The following GNAI3 variants were observed in gnomAD, a reference collection of about 807,000 sequenced individuals.
GNAI3 encodes G protein subunit alpha i3.
In GNAI3, 12 loss-of-function variants were observed where a neutral mutation model predicts 41.8. The observed-to-expected ratio is 0.29, with a 90% CI of 0.18 to 0.47. GNAI3 has a LOEUF of 0.47. Ranked by LOEUF, GNAI3 falls within the 20% of genes least tolerant of loss-of-function variation. GNAI3 has a pLI of 1.00. For missense variants in GNAI3, 360 were observed against 429.6 expected (o/e 0.84, Z 1.43); for synonymous variants, 132 against 146.5 (o/e 0.90, Z 0.71).
chr1:109,551,323 T>C (rs911910148), intron 1 of GNAI3, among the ~76,000 whole-genome samples: 2 of 152,174 alleles, frequency 1.3e-5, no homozygotes, highest in African/African-American at 4.8e-5. Flanking sequence ...ATAAGCAAAA[T>C]GTACCCAAAA....
rs565241683 is a variant in GNAI3, at chr1:109,560,096, C to A, written c.118+11258C>A. Among the ~76,000 whole-genome samples, 224 of 152,252 alleles carry A rather than the reference C, an allele frequency of 1.5e-3. 1 individual carries two copies. Among genetic ancestry groups the A allele is most frequent in the African/African-American group, 5.2e-3 (214 of 41,544 alleles). On this transcript the variant is annotated intron_variant, in intron 1 of 8. Coordinates refer to ENST00000369851, the MANE Select transcript of GNAI3 (RefSeq NM_006496.4). Reference sequence around the variant, plus strand: ...TTTCAGGAAGAGCTAGTCTTCAGATCTGAACTTCCTTTGATTTCCAAGTTA... The same window carrying A: ...TTTCAGGAAGAGCTAGTCTTCAGATATGAACTTCCTTTGATTTCCAAGTTA...
At position 109,579,302 on chromosome 1, in the gene GNAI3, TG is replaced by T; in HGVS notation, c.406del (p.Val136TyrfsTer21). On this transcript the variant is annotated frameshift_variant, in exon 4 of 9. Coordinates refer to ENST00000369851, the MANE Select transcript of GNAI3 (RefSeq NM_006496.4). LOFTEE classifies it high-confidence loss of function. ...TGATTAAACGGTTATGGCGAGATGG[TG>T]GGGTACAAGCTTGCTTCAGCAGATC... Reference protein sequence around the residue: ...GVIKRLWRDGGVQACFSRSRE... With the variant: ...GVIKRLWRDGXVQACFSRSRE... 6.2e-7 allele frequency: 1 copy of T among 1,613,610 alleles called. No homozygotes were observed.
At chr1:109,575,495 C>CGTCT (rs1648714910) in intron 3 of GNAI3, among the ~76,000 whole-genome samples, 1 of 148,428 alleles carries the variant, frequency 6.7e-6, no homozygotes, top group South Asian at 2.1e-4. Flanking sequence ...TATTCCCCGC[C>CGTCT]GTCTGTCTTC....
At chr1:109,549,240 T>G (rs969958137) in intron 1 of GNAI3, among the ~76,000 whole-genome samples, 1 of 152,174 alleles carries the variant, frequency 6.6e-6, no homozygotes, top group African/African-American at 2.4e-5. Flanking sequence ...TATAATGGTT[T>G]GTGAGTTTGG....
At chr1:109,576,366 G>A (rs778165665) in intron 3 of GNAI3, among the ~76,000 whole-genome samples, 4 of 152,058 alleles carry the variant, frequency 2.6e-5, no homozygotes, top group Non-Finnish European at 5.9e-5. Flanking sequence ...ACTGTGCCCG[G>A]CTTCTACTCT....
At position 109,548,649 on chromosome 1, in the gene GNAI3, C is replaced by T. The variant is rs3737182; in HGVS notation, c.-72C>T. On this transcript the variant is annotated 5_prime_UTR_variant, in exon 1 of 9. Transcript: ENST00000369851. ...GGCCACCGCCCAGCAATAGACGGTGCCTCAGCCTGCCGAGCCGCAGTTTCC... is the reference window on the plus strand; with the variant it reads ...GGCCACCGCCCAGCAATAGACGGTGTCTCAGCCTGCCGAGCCGCAGTTTCC... The T allele has an allele frequency of 0.2, 206,439 of 1,040,390 alleles. 22,195 individuals carry two copies. The highest frequency in any genetic ancestry group is 0.35 in the East Asian group (14,178 of 41,022). 64.4% of individuals were successfully genotyped at this position (1,040,390 alleles called of 1,614,324 possible).
chr1:109,586,969 T>C, intron 7 of GNAI3, 87 bp downstream of exon 7: 3 of 862,528 alleles, frequency 3.5e-6, no homozygotes, highest in Admixed American at 2.2e-5. Context: ...CCTTTTTTTT[T>C]TTAATGATTG....
intron 1 of GNAI3, among the ~76,000 whole-genome samples, chr1:109,555,633 C>A (rs1426801073): frequency 6.6e-6 from 1 of 152,084 alleles, no homozygotes; most frequent in East Asian, 1.9e-4. Flanking sequence ...ATGTAAGGTT[C>A]TAATAAGCGC....
chr1:109,559,938 T>G (rs1438608810), intron 1 of GNAI3, among the ~76,000 whole-genome samples: 1 of 152,222 alleles, frequency 6.6e-6, no homozygotes, highest in Non-Finnish European at 1.5e-5. Flanking sequence ...AAATATCCGA[T>G]TTTTCATGAC....
rs1649263729 is a variant in GNAI3, at chr1:109,595,211, CTG to C, written c.*2893_*2894del. On this transcript the variant is annotated 3_prime_UTR_variant, in exon 9 of 9. Transcript: ENST00000369851. Reference sequence around the variant, plus strand: ...GGACCATCAAAGAAGCCATTAGTCTCTGTGTAAAGAAGAAGTATTCTTAATGG... The same window carrying C: ...GGACCATCAAAGAAGCCATTAGTCTCTGTAAAGAAGAAGTATTCTTAATGG... 1 of 152,166 alleles carries C rather than the reference CTG, an allele frequency of 6.6e-6. No individual in the cohort carries two copies. Among genetic ancestry groups the C allele is most frequent in the African/African-American group, 2.4e-5 (1 of 41,438 alleles). The allele number at this position is 152,166 out of a possible 1,614,324, so 9.4% of individuals were successfully genotyped here. A position where few individuals can be genotyped will look rare whatever the true frequency, so the allele number is the denominator to read the frequency against.
intron 1 of GNAI3, among the ~76,000 whole-genome samples, chr1:109,570,835 C>T (rs769459087): frequency 2.6e-5 from 4 of 152,104 alleles, no homozygotes; most frequent in South Asian, 2.1e-4. Flanking sequence ...AATTGAAGAT[C>T]GTGTGACAAG....
chr1:109,579,358 C>T lies in GNAI3; in HGVS notation c.458C>T (p.Ser153Leu), dbSNP rs1345195559. Residue 153 changes from serine (S) to leucine (L), a missense_variant, in exon 4 of 9, where the codon TCA becomes TTA. Ser to Leu is a moderately radical substitution (Grantham distance 145). Transcript: ENST00000369851. ...GAATATCAGCTCAATGATTCTGCTTCATAGTAAGTAATTTTTCTCTGTGAA... is the reference window on the plus strand; with the variant it reads ...GAATATCAGCTCAATGATTCTGCTTTATAGTAAGTAATTTTTCTCTGTGAA... The part of the protein sequence containing the change: ...SREYQLNDSA[S>L]YYLNDLDRIS... The T allele has an allele frequency of 6.2e-7, 1 of 1,608,012 alleles. No homozygotes were observed. Among genetic ancestry groups the T allele is most frequent in the Non-Finnish European group, 8.5e-7 (1 of 1,176,420 alleles).
chr1:109,565,393 G>A (rs1362083619), intron 1 of GNAI3, among the ~76,000 whole-genome samples: 1 of 152,168 alleles, frequency 6.6e-6, no homozygotes, highest in Non-Finnish European at 1.5e-5. Context: ...GGGTTTGAGA[G>A]TAAGGTTAGA....
intron 1 of GNAI3, among the ~76,000 whole-genome samples, chr1:109,554,157 A>G (rs575069493): frequency 3.3e-5 from 5 of 151,826 alleles, no homozygotes; most frequent in African/African-American, 1.2e-4. Context: ...CTGGTTCCAT[A>G]TTTTTGCCAT....
intron 1 of GNAI3, among the ~76,000 whole-genome samples, chr1:109,561,375 CT>C (rs556301539): frequency 3.0e-3 from 452 of 152,250 alleles, no homozygotes; most frequent in Non-Finnish European, 4.9e-3. Context: ...ATGTTGATAT[CT>C]TACATAGCTA....
At chr1:109,555,519 G>A (rs1382092956) in intron 1 of GNAI3, among the ~76,000 whole-genome samples, 1 of 152,070 alleles carries the variant, frequency 6.6e-6, no homozygotes, top group Non-Finnish European at 1.5e-5. Context: ...TGAAAATACG[G>A]CCCTTTTCAG....
Position 109,590,594 on chromosome 1 carries a change from G to A in GNAI3, c.875-1449G>A, listed in dbSNP as rs369786948. On this transcript the variant is annotated intron_variant, in intron 7 of 8. Coordinates refer to ENST00000369851, the MANE Select transcript of GNAI3 (RefSeq NM_006496.4). ...TCTTTTCCTTTCCTTTTTTTTTTTT[G>A]AGACAGTGTCTTGCTCTGTCTCCCA... 1.3e-4 allele frequency among the ~76,000 whole-genome samples: 17 copies of A among 128,418 alleles called. 1 individual carries two copies. The East Asian group carries it at 3.5e-3, about 27-fold the overall frequency. 84.2% of individuals were successfully genotyped at this position (128,418 alleles called of 152,430 possible).
chr1:109,565,902 G>T (rs1021138700), intron 1 of GNAI3, among the ~76,000 whole-genome samples: 6 of 152,192 alleles, frequency 3.9e-5, no homozygotes, highest in Non-Finnish European at 5.9e-5. Context: ...TCAGGTTGTG[G>T]CAGAAAGGGT....
intron 1 of GNAI3, among the ~76,000 whole-genome samples, chr1:109,572,589 T>G (rs1177934644): frequency 1.3e-5 from 2 of 152,062 alleles, no homozygotes; most frequent in Admixed American, 1.3e-4. Context: ...ATGTACGAAA[T>G]TGGAGGCACT....
Sources: allele counts gnomAD v4.1 joint callset (sites outside exome capture counted in the v4.1 genomes callset), GRCh38; gene constraint gnomAD v4.1.1; transcripts MANE v1.5; gene names NCBI Gene and HGNC (gene_info 2026-07-23, HGNC 2026-07-21).